The following TAFA2 variants were observed in gnomAD, a reference collection of about 807,000 sequenced individuals.
TAFA2 encodes the protein chemokine-like protein TAFA-2.
TAFA2 carries 7 observed loss-of-function variants against 18.8 expected under a neutral mutation model. The ratio of observed to expected loss-of-function variants is 0.37; its 90% confidence interval spans 0.21 to 0.70. The LOEUF is 0.70. Among genes scored for constraint, TAFA2 ranks in the 30% least tolerant of loss-of-function variants. The pLI, the probability that TAFA2 is intolerant of heterozygous loss-of-function variation, is 0.53. For synonymous variants in TAFA2, 60 were observed against 54.2 expected, an observed-to-expected ratio of 1.11 and a Z score of -0.47; for missense variants, 122 against 158.1, an observed-to-expected ratio of 0.77 and a Z score of 1.23.
chr12:62,058,843 C>T (rs1882259615), intron 1 of TAFA2, among the ~76,000 whole-genome samples: 1 of 152,170 alleles, frequency 6.6e-6, no homozygotes, highest in African/African-American at 2.4e-5. Context: ...ATGGCTCACG[C>T]CTGTAATCCC....
At chr12:61,955,633 A>ATATATT (rs1555178793) in intron 1 of TAFA2, among the ~76,000 whole-genome samples, 222 of 8,762 alleles carry the variant, frequency 0.025, 6 homozygotes, top group Non-Finnish European at 0.041. Context: ...AAAAAAAAAA[A>ATATATT]TATATATATA....
intron 2 of TAFA2, among the ~76,000 whole-genome samples, chr12:61,762,360 A>G (rs759587175): frequency 3.3e-5 from 5 of 151,868 alleles, no homozygotes; most frequent in Non-Finnish European, 4.4e-5. Context: ...GACCTATACT[A>G]TATGTGAATA....
At chr12:62,174,444 T>C (rs1018502812) in intron 1 of TAFA2, among the ~76,000 whole-genome samples, 1 of 152,064 alleles carries the variant, frequency 6.6e-6, no homozygotes, top group South Asian at 2.1e-4. Context: ...GAAAGTATCA[T>C]AGAAATAAGG....
At chr12:62,150,718 C>T (rs905389673) in intron 1 of TAFA2, among the ~76,000 whole-genome samples, 2 of 152,084 alleles carry the variant, frequency 1.3e-5, no homozygotes, top group Non-Finnish European at 2.9e-5. Flanking sequence ...GCCTAGCCAA[C>T]ATGGTGAAAC....
intron 2 of TAFA2, among the ~76,000 whole-genome samples, chr12:61,828,833 T>G (rs1228768870): frequency 4.6e-5 from 7 of 151,764 alleles, no homozygotes; most frequent in African/African-American, 9.7e-5. Context: ...ATCAAATTGA[T>G]TTTAATCAAA....
At chr12:61,811,922 C>T (rs1015504373) in intron 2 of TAFA2, among the ~76,000 whole-genome samples, 2 of 151,392 alleles carry the variant, frequency 1.3e-5, no homozygotes, top group Non-Finnish European at 2.9e-5. Flanking sequence ...CAGAGTTATA[C>T]ACTAGGTAGA....
intron 1 of TAFA2, among the ~76,000 whole-genome samples, chr12:61,944,256 C>A (rs1419528313): frequency 6.6e-6 from 1 of 150,674 alleles, no homozygotes; most frequent in Admixed American, 6.6e-5. Flanking sequence ...TTGAAACCAA[C>A]GAGAACAAAG....
At chr12:61,713,530 T>C (rs953616682) in intron 4 of TAFA2, among the ~76,000 whole-genome samples, 1 of 152,116 alleles carries the variant, frequency 6.6e-6, no homozygotes, top group Non-Finnish European at 1.5e-5. Context: ...AAAATAAGGA[T>C]GAACATGTAT....
intron 4 of TAFA2, among the ~76,000 whole-genome samples, chr12:61,737,749 A>C (rs1466848288): frequency 6.6e-6 from 1 of 151,804 alleles, no homozygotes; most frequent in Non-Finnish European, 1.5e-5. Flanking sequence ...TTTTAAAATA[A>C]ATTTATTTGC....
intron 1 of TAFA2, among the ~76,000 whole-genome samples, chr12:61,888,125 G>A (rs1350404476): frequency 1.3e-5 from 2 of 152,052 alleles, no homozygotes; most frequent in African/African-American, 4.8e-5. Flanking sequence ...CTTTTACACT[G>A]TTGGTGGGAC....
intron 2 of TAFA2, among the ~76,000 whole-genome samples, chr12:61,807,031 A>ATGGGG: frequency 7.5e-5 from 11 of 146,482 alleles, no homozygotes; most frequent in African/African-American, 3.1e-4. Flanking sequence ...CCAGCTGCAG[A>ATGGGG]AATTTCCATA....
chr12:61,804,669 T>C (rs1415677907), intron 2 of TAFA2, among the ~76,000 whole-genome samples: 1 of 152,064 alleles, frequency 6.6e-6, no homozygotes, highest in Non-Finnish European at 1.5e-5. Flanking sequence ...TGTGGAATTA[T>C]TACCTGGAAT....
chr12:61,874,859 C>T (rs994395389), intron 1 of TAFA2, among the ~76,000 whole-genome samples: 3 of 152,056 alleles, frequency 2.0e-5, no homozygotes, highest in Admixed American at 6.6e-5. Flanking sequence ...GAATCACTTG[C>T]CCTCCTTTCT....
At chr12:61,888,880 T>G (rs1311718749) in intron 1 of TAFA2, among the ~76,000 whole-genome samples, 1 of 152,210 alleles carries the variant, frequency 6.6e-6, no homozygotes, top group African/African-American at 2.4e-5. Flanking sequence ...TCATGGTAAA[T>G]TTCAGAGCCT....
At chr12:61,936,271 AT>A (rs1877763529) in intron 1 of TAFA2, among the ~76,000 whole-genome samples, 1 of 152,150 alleles carries the variant, frequency 6.6e-6, no homozygotes. Flanking sequence ...ATTCAACAAA[AT>A]CCAGCATCCC....
At chr12:61,789,133 G>A (rs1230835651) in intron 2 of TAFA2, among the ~76,000 whole-genome samples, 2 of 151,812 alleles carry the variant, frequency 1.3e-5, no homozygotes, top group Non-Finnish European at 2.9e-5. Context: ...CTATGCAGAA[G>A]CTCTTTAGTT....
At chr12:61,942,274 A>C (rs1172956302) in intron 1 of TAFA2, among the ~76,000 whole-genome samples, 1 of 144,976 alleles carries the variant, frequency 6.9e-6, no homozygotes, top group African/African-American at 2.6e-5. Flanking sequence ...AACAAACAGA[A>C]AGGACATCCA....
chr12:61,830,354 T>C lies in TAFA2; in HGVS notation c.106+36966A>G, dbSNP rs189797281. Among the ~76,000 whole-genome samples, 43 of 151,292 alleles carry C rather than the reference T, an allele frequency of 2.8e-4. 1 individual carries two copies. In the East Asian group the frequency reaches 7.8e-3, roughly 27 times the overall value. On this transcript the variant is annotated intron_variant, in intron 2 of 4. Coordinates refer to ENST00000416284, the MANE Select transcript of TAFA2 (RefSeq NM_178539.5). Reference sequence around the variant, plus strand: ...ATATATGTATACATACACACATATATATACATATACATACATATATACATA... The same window carrying C: ...ATATATGTATACATACACACATATACATACATATACATACATATATACATA...
At chr12:62,054,814 C>T (rs1173310119) in intron 1 of TAFA2, among the ~76,000 whole-genome samples, 1 of 152,166 alleles carries the variant, frequency 6.6e-6, no homozygotes, top group East Asian at 1.9e-4. Flanking sequence ...TTCAGGAATA[C>T]AGAATTATAA....
Sources: allele counts gnomAD v4.1 joint callset (sites outside exome capture counted in the v4.1 genomes callset), GRCh38; gene constraint gnomAD v4.1.1; transcripts MANE v1.5; gene names NCBI Gene and HGNC (gene_info 2026-07-23, HGNC 2026-07-21).